CASTOR2: variants seen among roughly 807,000 people sequenced by gnomAD.
The protein encoded by CASTOR2 is cytosolic arginine sensor for mTORC1 subunit 2.
A neutral mutation model predicts 31.2 loss-of-function variants in CASTOR2; 8 were observed. The observed-to-expected ratio is 0.26, with a 90% CI of 0.15 to 0.46. The LOEUF (loss-of-function observed/expected upper bound fraction) is 0.46, where lower values mean the gene tolerates loss of function less well. Ranked by LOEUF, CASTOR2 falls within the 20% of genes least tolerant of loss-of-function variation. CASTOR2 has a pLI of 0.99. For synonymous variants in CASTOR2, 162 were observed against 158.7 expected, an observed-to-expected ratio of 1.02 and a Z score of -0.16; for missense variants, 216 against 382.1, an observed-to-expected ratio of 0.57 and a Z score of 3.62.
chr7:75,013,613 A>G (rs1432729521), intron 2 of CASTOR2, among the ~76,000 whole-genome samples: 1 of 152,156 alleles, frequency 6.6e-6, no homozygotes, highest in African/African-American at 2.4e-5. Flanking sequence ...ACTGCACTCC[A>G]GCCTGGGTGA....
intron 2 of CASTOR2, among the ~76,000 whole-genome samples, chr7:75,009,884 ATTTTTTTT>A (rs1186959059): frequency 1.6e-5 from 2 of 128,690 alleles, no homozygotes; most frequent in Admixed American, 1.6e-4. Flanking sequence ...CAGGCACTTA[ATTTTTTTT>A]TTTTTTTTTT....
rs1584481879 is a variant in CASTOR2 at position 75,028,617 on chromosome 7, G to C, written c.*3918G>C. ...AACAGAGCAGTGACCACCCCTCCCT[G>C]CCACTGATAAGTTCTGCCTCGTCGT... On this transcript the variant is annotated 3_prime_UTR_variant, in exon 9 of 9. Coordinates refer to ENST00000616305, the MANE Select transcript of CASTOR2 (RefSeq NM_001145064.3). Among the ~76,000 whole-genome samples, 1 of 152,236 alleles carries C rather than the reference G, an allele frequency of 6.6e-6. No individual in the cohort carries two copies. The highest frequency in any genetic ancestry group is 1.9e-4 in the East Asian group (1 of 5,190).
Position 74,976,531 on chromosome 7 carries a change from TCTCCTCCTCCTC to T in CASTOR2, c.113+11461_113+11472del, listed in dbSNP as rs369879917. On this transcript the variant is annotated intron_variant, in intron 1 of 8. Coordinates refer to ENST00000616305, the MANE Select transcript of CASTOR2 (RefSeq NM_001145064.3). ...GCCTGGACAACATAATGAGACCCTGTCTCCTCCTCCTCCTCCTCCTCCTCCTCCTCCTCCTCC... is the reference window on the plus strand; with the variant it reads ...GCCTGGACAACATAATGAGACCCTGTCTCCTCCTCCTCCTCCTCCTCCTCC... Among the ~76,000 whole-genome samples the T allele has an allele frequency of 9.0e-4, 107 of 118,642 alleles. 6 individuals are homozygous for T. Among genetic ancestry groups the T allele is most frequent in the South Asian group, 2.3e-3 (8 of 3,430 alleles). The allele number at this position is 118,642 out of a possible 152,430, so 77.8% of individuals were successfully genotyped here.
At chr7:74,984,710 C>T (rs1163432201) in intron 1 of CASTOR2, among the ~76,000 whole-genome samples, 1 of 152,176 alleles carries the variant, frequency 6.6e-6, no homozygotes, top group Admixed American at 6.5e-5. Context: ...GATGCATTAT[C>T]AACTCAGGTG....
chr7:74,983,787 C>A (rs1804001430), intron 1 of CASTOR2, among the ~76,000 whole-genome samples: 2 of 150,138 alleles, frequency 1.3e-5, no homozygotes, highest in African/African-American at 2.5e-5. Context: ...GGTCACCCTA[C>A]CTTTCTTGTT....
rs1803544141 is a variant in CASTOR2 at position 74,964,749 on chromosome 7, C to T, written c.-237C>T. 1.1e-5 allele frequency: 1 copy of T among 87,866 alleles called. No homozygotes were observed. Among genetic ancestry groups the T allele is most frequent in the South Asian group, 5.0e-4 (1 of 1,990 alleles). 5.4% of individuals were successfully genotyped at this position (87,866 alleles called of 1,614,324 possible). ...CGCCGCGCGCCGCTGCTCCGCCGCT[C>T]GGCCCCTCGGCTGCTGCTCCGCCGG... On this transcript the variant is annotated 5_prime_UTR_variant, in exon 1 of 9. Transcript: ENST00000616305.
chr7:75,005,481 CTCTCCAGTT>C, intron 1 of CASTOR2, among the ~76,000 whole-genome samples: 1 of 152,292 alleles, frequency 6.6e-6, no homozygotes, highest in Non-Finnish European at 1.5e-5. Flanking sequence ...AGTTTATCCT[CTCTCCAGTT>C]GAAGGAAGGA....
Position 75,018,988 on chromosome 7 carries a change from C to A in CASTOR2, c.528C>A (p.Ile176=), listed in dbSNP as rs1195821346. 1.6e-5 allele frequency: 25 copies of A among 1,551,906 alleles called. No individual in the cohort carries two copies. The highest frequency in any genetic ancestry group is 2.2e-5 in the Non-Finnish European group (25 of 1,147,086). ...CTCTTACAGTCCAGAGGCCAGTCAT[C>A]CACCCACTGTCCAGCCCGAGCAACA... The part of the protein sequence containing the change: ...VKPKLVQRPV[I]HPLSSPSNRF... Residue 176 remains isoleucine, a synonymous_variant, in exon 5 of 9, where the codon ATC becomes ATA. Coordinates refer to ENST00000616305, the MANE Select transcript of CASTOR2 (RefSeq NM_001145064.3).
At chr7:74,970,084 C>T (rs1349035249) in intron 1 of CASTOR2, among the ~76,000 whole-genome samples, 1 of 148,004 alleles carries the variant, frequency 6.8e-6, no homozygotes, top group African/African-American at 2.5e-5. Context: ...ACTTAGTAAA[C>T]GTCTGTTTGA....
intron 2 of CASTOR2, among the ~76,000 whole-genome samples, chr7:75,009,927 T>C (rs1335808189): frequency 1.3e-5 from 2 of 150,478 alleles, no homozygotes; most frequent in Non-Finnish European, 3.0e-5. Context: ...GTTCTTGCTA[T>C]GTTGCCCAGG....
chr7:75,007,859 A>C (rs1584471858), intron 1 of CASTOR2, 135 bp from the exon 2 acceptor site: 1 of 1,143,680 alleles, frequency 8.7e-7, no homozygotes, highest in African/African-American at 1.5e-5. Flanking sequence ...TAAACAACTT[A>C]CCCGCGGTCA....
chr7:75,021,701 C>T lies in CASTOR2; in HGVS notation c.747-173C>T, dbSNP rs1040325333. On this transcript the variant is annotated intron_variant, in intron 6 of 8. Coordinates refer to ENST00000616305, the MANE Select transcript of CASTOR2 (RefSeq NM_001145064.3). ...CCGCCTCCCCTCAAGACGAGGAGGC[C>T]GCCGGGCGAATGGGTCCAGGGTGTC... 1.9e-4 allele frequency among the ~76,000 whole-genome samples: 29 copies of T among 152,196 alleles called. No individual in the cohort carries two copies. In the East Asian group the frequency reaches 5.0e-3, roughly 26 times the overall value.
chr7:75,005,115 C>T (rs1441560636), intron 1 of CASTOR2, among the ~76,000 whole-genome samples: 4 of 152,102 alleles, frequency 2.6e-5, no homozygotes, highest in Non-Finnish European at 5.9e-5. Flanking sequence ...GATCCAACCA[C>T]CACTGCCTCG....
chr7:74,992,342 C>G (rs1224686154), intron 1 of CASTOR2, among the ~76,000 whole-genome samples: 1 of 152,140 alleles, frequency 6.6e-6, no homozygotes, highest in Non-Finnish European at 1.5e-5. Flanking sequence ...TGGCTCAATC[C>G]TGTAATCCTA....
rs1729060277 is a variant in CASTOR2 at position 75,031,398 on chromosome 7, T to A, written c.*6699T>A. Reference sequence around the variant, plus strand: ...CCCCGGGGCCCTCAAGCTTATTTTCTTGTTGAAGAAACACAAAACCCTCGA... The same window carrying A: ...CCCCGGGGCCCTCAAGCTTATTTTCATGTTGAAGAAACACAAAACCCTCGA... On this transcript the variant is annotated 3_prime_UTR_variant, in exon 9 of 9. Transcript: ENST00000616305. Among the ~76,000 whole-genome samples, 1 of 152,180 alleles carries A rather than the reference T, an allele frequency of 6.6e-6. No homozygotes were observed. The highest frequency in any genetic ancestry group is 2.4e-5 in the African/African-American group (1 of 41,444).
At chr7:74,980,470 T>TGG (rs1803921410) in intron 1 of CASTOR2, among the ~76,000 whole-genome samples, 1 of 86,618 alleles carries the variant, frequency 1.2e-5, no homozygotes, top group Non-Finnish European at 2.1e-5. Context: ...GAGATAACAC[T>TGG]ATCAACATCT....
At position 75,004,105 on chromosome 7, in the gene CASTOR2, G is replaced by C. The variant is rs1246830094; in HGVS notation, c.114-3889G>C. Among the ~76,000 whole-genome samples the C allele has an allele frequency of 4.9e-4, 74 of 152,300 alleles. 1 individual carries two copies. The highest frequency in any genetic ancestry group is 1.8e-3 in the African/African-American group (74 of 41,570). On this transcript the variant is annotated intron_variant, in intron 1 of 8. Transcript: ENST00000616305. ...TTTGCCTCCCCGGGGCTCTCGGGCA[G>C]CTGGGCAGCCCCGCCCCACCCAGGG...
chr7:75,020,048 C>A lies in CASTOR2; in HGVS notation c.645C>A (p.Asp215Glu). Residue 215 changes from aspartate (D) to glutamate (E), a missense_variant, in exon 6 of 9, where the codon GAC (aspartate) becomes GAA (glutamate). Physicochemically the swap from Asp to Glu is conservative, Grantham distance 45. This residue lies in a region of CASTOR2 where 44 missense variants were observed against 57.5 expected (regional missense o/e 0.76). Coordinates refer to ENST00000616305, the MANE Select transcript of CASTOR2 (RefSeq NM_001145064.3). ...DVMFYSNGVKDPMATGDDCGH... is the reference protein window; with the variant it reads ...DVMFYSNGVKEPMATGDDCGH... ...TGCCTCTGGTCCCCAGAGTGAAGGA[C>A]CCCATGGCCACTGGGGATGACTGCG... 1 of 1,551,380 alleles carries A rather than the reference C, an allele frequency of 6.4e-7. No homozygotes were observed. The highest frequency in any genetic ancestry group is 1.2e-5 in the South Asian group (1 of 84,050).
intron 2 of CASTOR2, among the ~76,000 whole-genome samples, chr7:75,017,395 C>T (rs1333685586): frequency 1.3e-5 from 2 of 151,992 alleles, no homozygotes; most frequent in African/African-American, 2.4e-5. Context: ...TGCAGTGAGC[C>T]GAGATCGCGC....
Sources: gnomAD v4.1 joint callset for allele counts (sites outside exome capture counted in the v4.1 genomes callset) on GRCh38, gnomAD v4.1.1 for gene constraint, gnomAD v4.1.1 regional missense constraint, MANE v1.5 for transcripts, NCBI Gene and HGNC (gene_info 2026-07-23, HGNC 2026-07-21) for gene names.